Variants in MAGI1 observed in about 807,000 individuals in gnomAD.
MAGI1 encodes membrane-associated guanylate kinase, WW and PDZ domain-containing protein 1.
A neutral mutation model predicts 139.9 loss-of-function variants in MAGI1; 58 were observed. The observed-to-expected ratio is 0.41, with a 90% CI of 0.34 to 0.52. The LOEUF is 0.52. Ranked by LOEUF, MAGI1 falls within the 20% of genes least tolerant of loss-of-function variation. MAGI1 has a pLI of 0.12. For synonymous variants in MAGI1, 812 were observed against 737.9 expected, an observed-to-expected ratio of 1.10 and a Z score of -1.63; for missense variants, 1,874 against 1,901.6, an observed-to-expected ratio of 0.99 and a Z score of 0.27.
chr3:65,586,849 T>G (rs2081706795), intron 2 of MAGI1, among the ~76,000 whole-genome samples: 1 of 151,896 alleles, frequency 6.6e-6, no homozygotes, highest in South Asian at 2.1e-4. Context: ...TTCTGGAAAA[T>G]GCAAACAGGG....
intron 2 of MAGI1, among the ~76,000 whole-genome samples, chr3:65,576,705 C>T (rs1384610150): frequency 6.6e-6 from 1 of 152,102 alleles, no homozygotes; most frequent in South Asian, 2.1e-4. Flanking sequence ...TTCCAGGAAG[C>T]CTCCTATTGA....
intron 1 of MAGI1, among the ~76,000 whole-genome samples, chr3:65,884,743 T>A (rs2060466625): frequency 6.6e-6 from 1 of 152,114 alleles, no homozygotes; most frequent in Non-Finnish European, 1.5e-5. Flanking sequence ...CCTTCCTCCA[T>A]CTCTCCATCC....
At chr3:65,931,328 C>G (rs182771656) in intron 1 of MAGI1, among the ~76,000 whole-genome samples, 1 of 152,196 alleles carries the variant, frequency 6.6e-6, no homozygotes, top group Non-Finnish European at 1.5e-5. Context: ...CCACCGCACC[C>G]GGCCCTCCCT....
chr3:65,798,673 G>A lies in MAGI1; in HGVS notation c.314-176585C>T, dbSNP rs185692988. On this transcript the variant is annotated intron_variant, in intron 1 of 22. Coordinates refer to ENST00000402939, the MANE Select transcript of MAGI1 (RefSeq NM_001033057.2). ...TTTCCTTTCATGAAAAGAATTTCTA[G>A]AAATACTACAGCTACAGTAGTCCCC... Among the ~76,000 whole-genome samples, 179 of 152,216 alleles carry A rather than the reference G, an allele frequency of 1.2e-3. 1 individual carries two copies. The highest frequency in any genetic ancestry group is 7.5e-3 in the East Asian group (39 of 5,176).
chr3:66,026,874 G>T (rs1432093683), intron 1 of MAGI1, among the ~76,000 whole-genome samples: 2 of 151,944 alleles, frequency 1.3e-5, no homozygotes, highest in Admixed American at 6.6e-5. Context: ...CAGCAAAAGG[G>T]CCAGCCTAAG....
chr3:65,509,335 C>G (rs917047217), intron 2 of MAGI1, among the ~76,000 whole-genome samples: 2 of 152,204 alleles, frequency 1.3e-5, no homozygotes. Flanking sequence ...CTCCGGTCTA[C>G]AGCTCCCAGC....
At chr3:65,732,091 C>A (rs750751178) in intron 1 of MAGI1, among the ~76,000 whole-genome samples, 3 of 152,044 alleles carry the variant, frequency 2.0e-5, no homozygotes, top group Non-Finnish European at 2.9e-5. Flanking sequence ...GCAAATTAGC[C>A]CCTGCTGAAC....
chr3:65,588,850 C>A (rs113726671), intron 2 of MAGI1, among the ~76,000 whole-genome samples: 11 of 152,210 alleles, frequency 7.2e-5, no homozygotes, highest in African/African-American at 2.6e-4. Context: ...GATAAGTTTG[C>A]CTGGCTCCAT....
In MAGI1 at chr3:65,818,599, G is replaced by A. The variant is rs57761729; in HGVS notation, c.314-196511C>T. 4.1e-3 allele frequency among the ~76,000 whole-genome samples: 622 copies of A among 152,268 alleles called. 7 individuals are homozygous for A. Among genetic ancestry groups the A allele is most frequent in the Admixed American group, 0.031 (478 of 15,288 alleles). On this transcript the variant is annotated intron_variant, in intron 1 of 22. Transcript: ENST00000402939. ...CCCAAGAAATGCCTTGTACAACAGC[G>A]CAGCAATGGACAAAACACTGCATGA...
At chr3:65,545,295 T>A (rs1361945321) in intron 2 of MAGI1, among the ~76,000 whole-genome samples, 1 of 152,108 alleles carries the variant, frequency 6.6e-6, no homozygotes, top group Admixed American at 6.5e-5. Flanking sequence ...CTTTTGATGG[T>A]TCAGCCAAAG....
chr3:65,533,438 G>A (rs73128979), intron 2 of MAGI1, among the ~76,000 whole-genome samples: 5,576 of 152,224 alleles, frequency 0.037, 147 homozygotes, highest in Admixed American at 0.071. Flanking sequence ...GACTGTACCC[G>A]TAATTGTCAT....
intron 1 of MAGI1, among the ~76,000 whole-genome samples, chr3:65,868,706 A>C (rs1396584628): frequency 6.6e-6 from 1 of 152,204 alleles, no homozygotes; most frequent in Admixed American, 6.5e-5. Flanking sequence ...ACAGGCCATT[A>C]CAGGGCAAGG....
At chr3:65,957,001 C>CA (rs967924028) in intron 1 of MAGI1, among the ~76,000 whole-genome samples, 1 of 151,036 alleles carries the variant, frequency 6.6e-6, no homozygotes, top group African/African-American at 2.4e-5. Flanking sequence ...GAATCCTTCT[C>CA]AAAAAAAATT....
At chr3:65,544,429 G>A (rs1421103903) in intron 2 of MAGI1, among the ~76,000 whole-genome samples, 4 of 152,146 alleles carry the variant, frequency 2.6e-5, no homozygotes, top group Non-Finnish European at 4.4e-5. Context: ...ATTTGTGCAT[G>A]TGTTGGGTAA....
chr3:65,596,619 G>A (rs1294272788), intron 2 of MAGI1, among the ~76,000 whole-genome samples: 1 of 152,190 alleles, frequency 6.6e-6, no homozygotes. Context: ...CAACACTGTG[G>A]ACAAGACAGC....
chr3:65,406,179 T>C (rs768447990), intron 12 of MAGI1, among the ~76,000 whole-genome samples: 5 of 152,046 alleles, frequency 3.3e-5, no homozygotes, highest in Admixed American at 3.3e-4. Flanking sequence ...AGAACCCTCA[T>C]AGATTAGGAC....
Position 65,519,385 on chromosome 3 carries a change from CAT to C in MAGI1, c.431-25756_431-25755del, listed in dbSNP as rs1299825916. Among the ~76,000 whole-genome samples, 50 of 66,926 alleles carry C rather than the reference CAT, an allele frequency of 7.5e-4. 1 individual carries two copies. The highest frequency in any genetic ancestry group is 9.8e-3 in the Middle Eastern group (1 of 102). 43.9% of individuals were successfully genotyped at this position (66,926 alleles called of 152,430 possible). On this transcript the variant is annotated intron_variant, in intron 2 of 22. Coordinates refer to ENST00000402939, the MANE Select transcript of MAGI1 (RefSeq NM_001033057.2). ...ACACACACACACACACACACACACA[CAT>C]ATATATAATTTTTTTTTGGATGGAG...
intron 4 of MAGI1, among the ~76,000 whole-genome samples, chr3:65,472,556 C>A (rs1343774578): frequency 6.6e-6 from 1 of 152,190 alleles, no homozygotes; most frequent in East Asian, 1.9e-4. Context: ...AATTACTCTA[C>A]CTGCTTCTTG....
chr3:65,660,256 A>C (rs1207898776), intron 1 of MAGI1, among the ~76,000 whole-genome samples: 1 of 152,250 alleles, frequency 6.6e-6, no homozygotes, highest in Non-Finnish European at 1.5e-5. Flanking sequence ...GCACTCTCTA[A>C]GGCACTAACG....
Sources: gnomAD v4.1 joint callset for allele counts (sites outside exome capture counted in the v4.1 genomes callset) on GRCh38, gnomAD v4.1.1 for gene constraint, MANE v1.5 for transcripts, NCBI Gene and HGNC (gene_info 2026-07-23, HGNC 2026-07-21) for gene names.